NFASC: variants seen among roughly 807,000 people sequenced by gnomAD.
The protein encoded by NFASC is neurofascin, also known as neurofascin homolog.
NFASC carries 43 observed loss-of-function variants against 147.5 expected under a neutral mutation model. The ratio of observed to expected loss-of-function variants is 0.29; its 90% CI spans 0.23 to 0.38. The LOEUF is 0.38. NFASC is among the 10% of genes least tolerant of loss of function. The probability of loss-of-function intolerance (pLI) is 1.00; values close to 1 mark genes in which losing one functional copy is unlikely to be tolerated. For synonymous variants in NFASC, 622 were observed against 665.5 expected (o/e 0.93, Z 1.01); for missense variants, 1,320 against 1,689.0 (o/e 0.78, Z 3.83).
intron 1 of NFASC, among the ~76,000 whole-genome samples, chr1:204,892,206 CT>C (rs2149055191): frequency 6.6e-6 from 1 of 152,318 alleles, no homozygotes; most frequent in Non-Finnish European, 1.5e-5. Context: ...TAGCTTAACC[CT>C]TCTTTATCCA....
chr1:204,974,970 T>G (rs573578229), intron 14 of NFASC, 147 bp downstream of exon 14: 10 of 847,026 alleles, frequency 1.2e-5, no homozygotes, highest in Middle Eastern at 3.5e-4. Context: ...GTGGAGTCCT[T>G]TTAGGATCAG....
Position 204,979,436 on chromosome 1 carries a change from G to A in NFASC, c.2053G>A (p.Val685Ile), listed in dbSNP as rs771862901. ...WHDHSKYPGS[V>I]NSAVLRLSPY... ...TGACCATTCCAAGTACCCCGGCAGC[G>A]TTAACTCAGCCGTCCTCCGGCTGTC... is the stretch of plus-strand genomic sequence containing the variant. The change falls in exon 19 of 30, where the codon GTT (valine) becomes ATT (isoleucine). Residue 685 changes from valine (V) to isoleucine (I), a missense_variant. Val to Ile is a conservative substitution (Grantham distance 29). Around this residue, in one of 3 missense-constraint regions of NFASC, gnomAD observed 981 missense variants for 1,289.5 expected, o/e 0.76. Coordinates refer to ENST00000339876, the MANE Select transcript of NFASC (RefSeq NM_001005388.3). The surrounding 1 kb of genome is among the most constrained non-coding windows in gnomAD (Gnocchi z 6.0). The A allele has an allele frequency of 2.3e-5, 37 of 1,613,912 alleles. No homozygotes were observed. Among genetic ancestry groups the A allele is most frequent in the Middle Eastern group, 1.6e-4 (1 of 6,084 alleles).
rs2096396403 is a variant in NFASC at position 205,020,915 on chromosome 1, C to T, written c.*4376C>T. 1.3e-5 allele frequency: 2 copies of T among 151,934 alleles called. No individual in the cohort carries two copies. The highest frequency in any genetic ancestry group is 6.6e-5 in the Admixed American group (1 of 15,246). 9.4% of individuals were successfully genotyped at this position (151,934 alleles called of 1,614,324 possible). A position where few individuals can be genotyped will look rare whatever the true frequency, so the allele number is the denominator to read the frequency against. The stretch of plus-strand genomic sequence containing the variant: ...CTCCGGCCAGCCCCAGCCAAACACA[C>T]AAAAGCCCATGGTTGCGGTTGCATC... On this transcript the variant is annotated 3_prime_UTR_variant, in exon 30 of 30. Transcript: ENST00000339876.
intron 25 of NFASC, 55 bp downstream of exon 25, chr1:204,997,461 C>T: frequency 6.5e-7 from 1 of 1,547,650 alleles, no homozygotes. Flanking sequence ...CCCCAGCGGC[C>T]TCCAGACGAA....
chr1:204,962,629 C>CT (rs1266005605), intron 8 of NFASC, among the ~76,000 whole-genome samples: 1 of 152,128 alleles, frequency 6.6e-6, no homozygotes, highest in Non-Finnish European at 1.5e-5. Flanking sequence ...GTAATCTCAC[C>CT]TTAGTTACCG....
chr1:204,997,083 G>A, intron 24 of NFASC, 87 bp from the exon 25 acceptor site: 1 of 1,545,318 alleles, frequency 6.5e-7, no homozygotes, highest in Non-Finnish European at 8.7e-7. Context: ...TCCTCACCGG[G>A]CTGCCTGCCT....
Position 204,975,052 on chromosome 1 carries a change from C to T in NFASC, c.1559-219C>T, listed in dbSNP as rs368750392. On this transcript the variant is annotated intron_variant, in intron 14 of 29. Coordinates refer to ENST00000339876, the MANE Select transcript of NFASC (RefSeq NM_001005388.3). The surrounding 1 kb of genome is among the most constrained non-coding windows in gnomAD (Gnocchi z 4.0). ...CTCCCCACTACCAGCCCAGAAATTACATCATATATTCCTGAGCCAGATGGA... is the reference window on the plus strand; with the variant it reads ...CTCCCCACTACCAGCCCAGAAATTATATCATATATTCCTGAGCCAGATGGA... Among the ~76,000 whole-genome samples the T allele has an allele frequency of 6.6e-6, 1 of 152,240 alleles. No individual in the cohort carries two copies. Among genetic ancestry groups the T allele is most frequent in the Non-Finnish European group, 1.5e-5 (1 of 68,048 alleles).
In NFASC at chr1:204,954,352, C is replaced by T; in HGVS notation, c.380C>T (p.Ala127Val). The change falls in exon 6 of 30, where the codon GCC becomes GTC. Residue 127 changes from alanine to valine, a missense_variant. Physicochemically the swap from Ala to Val is moderately conservative, Grantham distance 64. Transcript: ENST00000339876. This position sits in a 1 kb window ranked among gnomAD's most constrained non-coding sequence, Gnocchi z 5.7. Reference protein sequence around the residue: ...QCFARNKFGTALSNRIRLQVS... With the variant: ...QCFARNKFGTVLSNRIRLQVS... ...TTCGCCCGCAACAAATTTGGCACGG[C>T]CCTGTCCAATAGGATCCGCCTGCAG... is the stretch of plus-strand genomic sequence containing the variant. The T allele has an allele frequency of 6.2e-7, 1 of 1,614,138 alleles. No homozygotes were observed. The highest frequency in any genetic ancestry group is 8.5e-7 in the Non-Finnish European group (1 of 1,180,028).
chr1:204,939,060 G>A (rs965703937), intron 2 of NFASC, among the ~76,000 whole-genome samples: 11 of 151,464 alleles, frequency 7.3e-5, no homozygotes, highest in Non-Finnish European at 8.9e-5. Flanking sequence ...GTGTGTGTGT[G>A]TGTGTGTGTG....
At chr1:205,013,930 C>G (rs939669670) in intron 29 of NFASC, among the ~76,000 whole-genome samples, 1 of 152,256 alleles carries the variant, frequency 6.6e-6, no homozygotes, top group African/African-American at 2.4e-5. Context: ...TGGGCCATGA[C>G]TGTCCACCTA....
intron 1 of NFASC, among the ~76,000 whole-genome samples, chr1:204,844,940 C>T (rs1012599143): frequency 1.3e-5 from 2 of 152,178 alleles, no homozygotes; most frequent in Non-Finnish European, 2.9e-5. Flanking sequence ...GCATATCCCC[C>T]CAAGTCTGCG....
Position 204,970,505 on chromosome 1 carries a change from A to G in NFASC, c.1004-111A>G, listed in dbSNP as rs779481109. 260 of 1,262,236 alleles carry G rather than the reference A, an allele frequency of 2.1e-4. No homozygotes were observed. The Middle Eastern group carries it at 3.3e-3, about 16-fold the overall frequency. 78.2% of individuals were successfully genotyped at this position (1,262,236 alleles called of 1,614,324 possible). On this transcript the variant is annotated intron_variant, in intron 10 of 29. Transcript: ENST00000339876. ...ATGAGCCCTGGGGCAGGTGGTGAGC[A>G]CGTGGTGCTGGGACTCAGGGGCTCC...
At chr1:204,933,893 T>C (rs2092591570) in intron 2 of NFASC, among the ~76,000 whole-genome samples, 3 of 152,172 alleles carry the variant, frequency 2.0e-5, no homozygotes, top group Middle Eastern at 3.4e-3. Context: ...ATCCCAGCAC[T>C]TGGGGAGGCC....
At chr1:204,943,655 C>T (rs1573467272) in intron 2 of NFASC, among the ~76,000 whole-genome samples, 1 of 152,238 alleles carries the variant, frequency 6.6e-6, no homozygotes, top group African/African-American at 2.4e-5. Flanking sequence ...CAATGTCACC[C>T]TGCCCCCTTC....
At chr1:204,846,368 C>A (rs1188524153) in intron 1 of NFASC, among the ~76,000 whole-genome samples, 1 of 152,084 alleles carries the variant, frequency 6.6e-6, no homozygotes, top group African/African-American at 2.4e-5. Flanking sequence ...CCTTGTTCCA[C>A]CAGGTTAATA....
chr1:204,855,874 G>A (rs2076109050), intron 1 of NFASC, among the ~76,000 whole-genome samples: 1 of 152,192 alleles, frequency 6.6e-6, no homozygotes, highest in African/African-American at 2.4e-5. Context: ...AACTGGGATT[G>A]GGCAGGAAAA....
Position 204,954,486 on chromosome 1 carries a change from G to A in NFASC, c.412+102G>A. The A allele has an allele frequency of 9.0e-7, 1 of 1,113,984 alleles. No homozygotes were observed. The highest frequency in any genetic ancestry group is 1.3e-6 in the Non-Finnish European group (1 of 782,786). 69.0% of individuals were successfully genotyped at this position (1,113,984 alleles called of 1,614,324 possible). ...GAAGGGCTGCCCCTGCCCTTGGCCTGCAGTTGCCTTGGTGTTCTCTATGCA... is the reference window on the plus strand; with the variant it reads ...GAAGGGCTGCCCCTGCCCTTGGCCTACAGTTGCCTTGGTGTTCTCTATGCA... On this transcript the variant is annotated intron_variant, in intron 6 of 29. Transcript: ENST00000339876. The surrounding 1 kb of genome is among the most constrained non-coding windows in gnomAD (Gnocchi z 5.7).
At chr1:204,980,608 A>C (rs530470420) in intron 20 of NFASC, among the ~76,000 whole-genome samples, 168 bp downstream of exon 20, 17 of 152,182 alleles carry the variant, frequency 1.1e-4, no homozygotes, top group Admixed American at 2.6e-4. Context: ...TGAGTTGGGC[A>C]TCCAGAAACC....
At chr1:204,924,443 C>G (rs1177040261) in intron 2 of NFASC, among the ~76,000 whole-genome samples, 2 of 152,224 alleles carry the variant, frequency 1.3e-5, no homozygotes, top group Non-Finnish European at 2.9e-5. Context: ...CCAATATTGG[C>G]AGCTGAATTG....
Sources: gnomAD v4.1 joint callset for allele counts (sites outside exome capture counted in the v4.1 genomes callset) on GRCh38, gnomAD v4.1.1 for gene constraint, gnomAD v4.1.1 regional missense constraint, Gnocchi (gnomAD v3.1) non-coding constraint, MANE v1.5 for transcripts, NCBI Gene and HGNC (gene_info 2026-07-23, HGNC 2026-07-21) for gene names.